The following CSNK1D variants were observed in gnomAD, a reference collection of about 807,000 sequenced individuals.
CSNK1D encodes the protein casein kinase I isoform delta.
In CSNK1D, 16 loss-of-function variants were observed where a neutral mutation model predicts 46.6. That is an observed-to-expected ratio of 0.34 (90% CI 0.23 to 0.52). The LOEUF (loss-of-function observed/expected upper bound fraction) is 0.52. Among genes scored for constraint, CSNK1D ranks in the 20% least tolerant of loss-of-function variants. The pLI is 0.95. For synonymous variants in CSNK1D, 276 were observed against 228.2 expected (o/e 1.21, Z -1.89); for missense variants, 398 against 578.4 (o/e 0.69, Z 3.20).
intron 2 of CSNK1D, among the ~76,000 whole-genome samples, chr17:82,260,431 AGTGAT>A (rs1222212455): frequency 1.4e-5 from 2 of 147,088 alleles, no homozygotes; most frequent in African/African-American, 5.1e-5. Flanking sequence ...TGGTGTACTG[AGTGAT>A]GTGACTGATG....
chr17:82,270,542 G>A (rs2051593662), intron 1 of CSNK1D, among the ~76,000 whole-genome samples: 1 of 152,210 alleles, frequency 6.6e-6, no homozygotes, highest in African/African-American at 2.4e-5. Flanking sequence ...CGATTTATGT[G>A]TAACTGGCTG....
At position 82,243,015 on chromosome 17, in the gene CSNK1D, G is replaced by A. The variant is rs2050766498; in HGVS notation, c.*1766C>T. 1.0e-6 allele frequency: 1 copy of A among 985,446 alleles called. No individual in the cohort carries two copies. The highest frequency in any genetic ancestry group is 1.1e-4 in the East Asian group (1 of 8,814). The allele number at this position is 985,446 out of a possible 1,614,324, so 61.0% of individuals were successfully genotyped here. A position where few individuals can be genotyped will look rare whatever the true frequency, so the allele number is the denominator to read the frequency against. On this transcript the variant is annotated 3_prime_UTR_variant, in exon 9 of 9. Coordinates refer to ENST00000314028, the MANE Select transcript of CSNK1D (RefSeq NM_001893.6). ...GGTGGGGGACGTCTACCTTCAAGAA[G>A]GGGTCCAGCAACAAAGAAAATCTCT...
At position 82,249,993 on chromosome 17, in the gene CSNK1D, G is replaced by A; in HGVS notation, c.886-391C>T. 5 of 1,234,272 alleles carry A rather than the reference G, an allele frequency of 4.1e-6. No individual in the cohort carries two copies. Among genetic ancestry groups the A allele is most frequent in the South Asian group, 1.5e-5 (1 of 68,744 alleles). The allele number at this position is 1,234,272 out of a possible 1,614,324, so 76.5% of individuals were successfully genotyped here. A position where few individuals can be genotyped will look rare whatever the true frequency, so the allele number is the denominator to read the frequency against. On this transcript the variant is annotated intron_variant, in intron 6 of 8. Coordinates refer to ENST00000314028, the MANE Select transcript of CSNK1D (RefSeq NM_001893.6). This position sits in a 1 kb window ranked among gnomAD's most constrained non-coding sequence, Gnocchi z 6.7. ...AGACAGGCCCCAAATGGTGACAGCT[G>A]GGGAGGAAAGCGGGGTGGGGATGAG...
chr17:82,243,445 CAG>C lies in CSNK1D; in HGVS notation c.*1334_*1335del, dbSNP rs2050775911. ...AGGCGAGAAGGCATCCTGGGAACCTCAGGGCACAGCAGCATGGAGCCTGGGGC... is the reference window on the plus strand; with the variant it reads ...AGGCGAGAAGGCATCCTGGGAACCTCGGCACAGCAGCATGGAGCCTGGGGC... On this transcript the variant is annotated 3_prime_UTR_variant, in exon 9 of 9. Coordinates refer to ENST00000314028, the MANE Select transcript of CSNK1D (RefSeq NM_001893.6). 6.1e-6 allele frequency: 6 copies of C among 985,546 alleles called. No individual in the cohort carries two copies. The highest frequency in any genetic ancestry group is 7.2e-6 in the Non-Finnish European group (6 of 829,986). The allele number at this position is 985,546 out of a possible 1,614,324, so 61.1% of individuals were successfully genotyped here.
In CSNK1D at chr17:82,252,433, C is replaced by G; in HGVS notation, c.736+1G>C. ...CTGAGAAGAGGCCTCCAGAGACTTA[C>G]AAGGGTAGCCTTTACACAACACTTC... On this transcript the variant is annotated splice_donor_variant, in intron 5 of 8. Transcript: ENST00000314028. LOFTEE classifies it high-confidence loss of function. The surrounding 1 kb of genome is among the most constrained non-coding windows in gnomAD (Gnocchi z 4.6). 6.2e-7 allele frequency: 1 copy of G among 1,614,162 alleles called. No homozygotes were observed. Among genetic ancestry groups the G allele is most frequent in the Non-Finnish European group, 8.5e-7 (1 of 1,180,022 alleles).
intron 1 of CSNK1D, among the ~76,000 whole-genome samples, chr17:82,270,892 C>CTG (rs2051604767): frequency 6.6e-6 from 1 of 152,190 alleles, no homozygotes; most frequent in South Asian, 2.1e-4. Flanking sequence ...TCCAGCATGA[C>CTG]TGTATGCCCA....
chr17:82,259,711 A>G (rs1356613254), intron 2 of CSNK1D, among the ~76,000 whole-genome samples: 4 of 152,264 alleles, frequency 2.6e-5, no homozygotes, highest in African/African-American at 9.6e-5. Flanking sequence ...AGACGAAGCT[A>G]CTGTATACAG....
chr17:82,259,512 T>A (rs552429112), intron 2 of CSNK1D, among the ~76,000 whole-genome samples: 1 of 152,204 alleles, frequency 6.6e-6, no homozygotes, highest in African/African-American at 2.4e-5. Flanking sequence ...AAAATCGATA[T>A]GTATCAATAT....
chr17:82,255,264 T>A lies in CSNK1D; in HGVS notation c.336+165A>T. On this transcript the variant is annotated intron_variant, in intron 3 of 8. Transcript: ENST00000314028. The surrounding 1 kb of genome is among the most constrained non-coding windows in gnomAD (Gnocchi z 5.9). ...GCCAGTGAGCGGAGCCACCGGAGCC[T>A]CGAGAAGCCAGTGAGCTGAGCCACT... 1 of 841,070 alleles carries A rather than the reference T, an allele frequency of 1.2e-6. No homozygotes were observed. The highest frequency in any genetic ancestry group is 2.0e-6 in the Non-Finnish European group (1 of 511,120). 52.1% of individuals were successfully genotyped at this position (841,070 alleles called of 1,614,324 possible). A position where few individuals can be genotyped will look rare whatever the true frequency, so the allele number is the denominator to read the frequency against.
chr17:82,241,822 G>C (rs1327044463), downstream of CSNK1D, among the ~76,000 whole-genome samples: 5 of 152,350 alleles, frequency 3.3e-5, no homozygotes, highest in East Asian at 1.9e-4. Context: ...GGGGCTGGCA[G>C]AGCTCCAGGC....
rs1159322210 is a variant in CSNK1D at position 82,252,243 on chromosome 17, C to T, written c.736+191G>A. On this transcript the variant is annotated intron_variant, in intron 5 of 8. Coordinates refer to ENST00000314028, the MANE Select transcript of CSNK1D (RefSeq NM_001893.6). The surrounding 1 kb of genome is among the most constrained non-coding windows in gnomAD (Gnocchi z 4.6). The stretch of plus-strand genomic sequence containing the variant: ...ACTCCCCACGCTGATGGGCACTTGG[C>T]AAGTAAGTCAAGATGAACAGGAGGG... Among the ~76,000 whole-genome samples the T allele has an allele frequency of 6.6e-6, 1 of 152,162 alleles. No homozygotes were observed. Among genetic ancestry groups the T allele is most frequent in the Non-Finnish European group, 1.5e-5 (1 of 68,026 alleles).
At chr17:82,272,645 G>A (rs938801271) in intron 1 of CSNK1D, among the ~76,000 whole-genome samples, 14 of 152,204 alleles carry the variant, frequency 9.2e-5, no homozygotes, top group African/African-American at 3.4e-4. Flanking sequence ...ACCGTTCAGA[G>A]AGAACCCCCA....
In CSNK1D at chr17:82,249,115, T is replaced by C. The variant is rs2050929904; in HGVS notation, c.1058-101A>G. On this transcript the variant is annotated intron_variant, in intron 7 of 8. Transcript: ENST00000314028. The surrounding 1 kb of genome is among the most constrained non-coding windows in gnomAD (Gnocchi z 6.7). ...TGGCCAGAGAGGACCCTGGGCTGCCTGGACAGTCAGGACCTGGCTGTGGCC... is the reference window on the plus strand; with the variant it reads ...TGGCCAGAGAGGACCCTGGGCTGCCCGGACAGTCAGGACCTGGCTGTGGCC... The C allele has an allele frequency of 4.2e-6, 6 of 1,414,710 alleles. No homozygotes were observed. Among genetic ancestry groups the C allele is most frequent in the South Asian group, 2.7e-5 (2 of 75,306 alleles). 87.6% of individuals were successfully genotyped at this position (1,414,710 alleles called of 1,614,324 possible).
At chr17:82,246,949 C>T in intron 8 of CSNK1D, 1 of 985,508 alleles carries the variant, frequency 1.0e-6, no homozygotes, top group Non-Finnish European at 1.2e-6. Flanking sequence ...AAAACGGGAG[C>T]TGCTGCTCAC....
Position 82,248,707 on chromosome 17 carries a change from TC to T in CSNK1D, c.1197+167del. 1 of 1,450,848 alleles carries T rather than the reference TC, an allele frequency of 6.9e-7. No individual in the cohort carries two copies. The highest frequency in any genetic ancestry group is 9.1e-7 in the Non-Finnish European group (1 of 1,102,628). The allele number at this position is 1,450,848 out of a possible 1,614,324, so 89.9% of individuals were successfully genotyped here. A position where few individuals can be genotyped will look rare whatever the true frequency, so the allele number is the denominator to read the frequency against. ...ACGGCCCAGCATGTCTCCCAGGCCC[TC>T]CCGAGAAGCCTCATCTGCAACCAAG... On this transcript the variant is annotated intron_variant, in intron 8 of 8. Transcript: ENST00000314028. This position sits in a 1 kb window ranked among gnomAD's most constrained non-coding sequence, Gnocchi z 4.1.
In CSNK1D at chr17:82,243,451, A is replaced by G. The variant is rs1384535331; in HGVS notation, c.*1330T>C. On this transcript the variant is annotated 3_prime_UTR_variant, in exon 9 of 9. Transcript: ENST00000314028. ...GAAGGCATCCTGGGAACCTCAGGGC[A>G]CAGCAGCATGGAGCCTGGGGCAGCA... 21 of 985,406 alleles carry G rather than the reference A, an allele frequency of 2.1e-5. No individual in the cohort carries two copies. Among genetic ancestry groups the G allele is most frequent in the Non-Finnish European group, 2.5e-5 (21 of 829,986 alleles). The allele number at this position is 985,406 out of a possible 1,614,324, so 61.0% of individuals were successfully genotyped here. A position where few individuals can be genotyped will look rare whatever the true frequency, so the allele number is the denominator to read the frequency against.
In CSNK1D at chr17:82,273,366, C is replaced by T; in HGVS notation, c.16G>A (p.Gly6Arg). ...TTCCGGCCCAGCCGGTACCTGTTCC[C>T]GACTCTCAGCTCCATGGCGGCGGCG... MELRV[G>R]NRYRLGRKIG... is the part of the protein sequence containing the mutation. Residue 6 changes from glycine to arginine, a missense_variant, in exon 1 of 9, where the codon GGG becomes AGG. Physicochemically the swap from Gly to Arg is moderately radical, Grantham distance 125. Around this residue, in one of 2 missense-constraint regions of CSNK1D, gnomAD observed 217 missense variants for 370.3 expected, o/e 0.59. Transcript: ENST00000314028. This position sits in a 1 kb window ranked among gnomAD's most constrained non-coding sequence, Gnocchi z 5.1. The T allele has an allele frequency of 6.2e-7, 1 of 1,611,316 alleles. No homozygotes were observed. The highest frequency in any genetic ancestry group is 1.3e-5 in the African/African-American group (1 of 74,834).
Position 82,255,095 on chromosome 17 carries a change from G to A in CSNK1D, c.336+334C>T, listed in dbSNP as rs1255090476. ...CCTCGAGAAGCCAGTGAGCTGGGCCGCCGGAGCCTCGAGAAGCCAGTGAGC... is the reference window on the plus strand; with the variant it reads ...CCTCGAGAAGCCAGTGAGCTGGGCCACCGGAGCCTCGAGAAGCCAGTGAGC... On this transcript the variant is annotated intron_variant, in intron 3 of 8. Transcript: ENST00000314028. This position sits in a 1 kb window ranked among gnomAD's most constrained non-coding sequence, Gnocchi z 5.9. 1.0e-4 allele frequency: 36 copies of A among 354,762 alleles called. No homozygotes were observed. Among genetic ancestry groups the A allele is most frequent in the African/African-American group, 2.3e-4 (9 of 39,772 alleles). The allele number at this position is 354,762 out of a possible 1,614,324, so 22.0% of individuals were successfully genotyped here.
At chr17:82,242,317 C>T (rs760838841), downstream of CSNK1D, among the ~76,000 whole-genome samples, 6 of 152,312 alleles carry the variant, frequency 3.9e-5, no homozygotes, top group Admixed American at 2.0e-4. Context: ...CTGAGCACCA[C>T]GGCCCTATGG....
Sources: allele counts gnomAD v4.1 joint callset (sites outside exome capture counted in the v4.1 genomes callset), GRCh38; gene constraint gnomAD v4.1.1; regional missense constraint gnomAD v4.1.1; non-coding constraint Gnocchi (gnomAD v3.1); transcripts MANE v1.5; gene names NCBI Gene and HGNC (gene_info 2026-07-23, HGNC 2026-07-21).